DCLK2: variants seen among roughly 807,000 people sequenced by gnomAD.
DCLK2 encodes serine/threonine-protein kinase DCLK2.
Under a neutral mutation model 78.4 loss-of-function variants are expected in DCLK2, and 31 were observed. The observed-to-expected ratio is 0.40, with a 90% CI of 0.30 to 0.53. The LOEUF (loss-of-function observed/expected upper bound fraction) is 0.53. DCLK2 is among the 20% of genes least tolerant of loss of function. The pLI is 0.61. For synonymous variants in DCLK2, 407 were observed against 374.9 expected (o/e 1.09, Z -0.99); for missense variants, 872 against 973.7 (o/e 0.90, Z 1.39).
At chr4:150,238,464 G>A (rs1742670226) in intron 10 of DCLK2, among the ~76,000 whole-genome samples, 1 of 152,094 alleles carries the variant, frequency 6.6e-6, no homozygotes. Context: ...TTGGGTCAAA[G>A]GTTATAATTG....
At chr4:150,142,940 A>C (rs1370323067) in intron 2 of DCLK2, among the ~76,000 whole-genome samples, 1 of 151,058 alleles carries the variant, frequency 6.6e-6, no homozygotes, top group East Asian at 1.9e-4. Flanking sequence ...CTCCCCTCTC[A>C]CCCTTTTTGA....
intron 2 of DCLK2, among the ~76,000 whole-genome samples, chr4:150,177,471 T>G (rs1160559780): frequency 6.6e-6 from 1 of 152,164 alleles, no homozygotes; most frequent in Non-Finnish European, 1.5e-5. Context: ...TTTTCCTCCA[T>G]CGAAGAACTT....
At chr4:150,219,141 T>G (rs963460271) in intron 5 of DCLK2, among the ~76,000 whole-genome samples, 4 of 151,730 alleles carry the variant, frequency 2.6e-5, no homozygotes, top group African/African-American at 9.7e-5. Context: ...GAGGTGGAGA[T>G]TGCAGTGAGC....
rs1251185767 is a variant in DCLK2, at chr4:150,224,483, C to T, written c.1242-18C>T. 1 of 1,595,518 alleles carries T rather than the reference C, an allele frequency of 6.3e-7. No homozygotes were observed. Among genetic ancestry groups the T allele is most frequent in the East Asian group, 2.2e-5 (1 of 44,612 alleles). ...TTAATTTATGTCTTTAAATGGTCTT[C>T]CTCTGATTATTCCATAGGTCCACTG... On this transcript the variant is annotated intron_variant, in intron 7 of 15. Transcript: ENST00000296550.
chr4:150,139,871 T>C lies in DCLK2; in HGVS notation c.756+37059T>C, dbSNP rs530085826. Among the ~76,000 whole-genome samples, 7 of 152,358 alleles carry C rather than the reference T, an allele frequency of 4.6e-5. No homozygotes were observed. The South Asian group carries it at 1.4e-3, about 32-fold the overall frequency. ...TCATTCCATCCTTTTAAATGTATAA[T>C]TTCAAAGTTTATATGCAATTAATTT... On this transcript the variant is annotated intron_variant, in intron 2 of 15. Coordinates refer to ENST00000296550, the MANE Select transcript of DCLK2 (RefSeq NM_001040260.4).
chr4:150,145,899 A>G (rs1042378959), intron 2 of DCLK2, among the ~76,000 whole-genome samples: 2 of 152,246 alleles, frequency 1.3e-5, no homozygotes, highest in Non-Finnish European at 2.9e-5. Flanking sequence ...TTTTTATAAA[A>G]AGAGAATATT....
intron 3 of DCLK2, among the ~76,000 whole-genome samples, chr4:150,194,560 T>C (rs1738725655): frequency 6.6e-6 from 1 of 152,188 alleles, no homozygotes; most frequent in Admixed American, 6.5e-5. Context: ...GGAATACTGT[T>C]TTACCCTATT....
rs957570785 is a variant in DCLK2, at chr4:150,243,183, G to A, written c.1778+2707G>A. Among the ~76,000 whole-genome samples, 20 of 152,242 alleles carry A rather than the reference G, an allele frequency of 1.3e-4. No homozygotes were observed. In the East Asian group the frequency reaches 2.3e-3, roughly 18 times the overall value. On this transcript the variant is annotated intron_variant, in intron 12 of 15. Coordinates refer to ENST00000296550, the MANE Select transcript of DCLK2 (RefSeq NM_001040260.4). ...CATTTATCATGGATTGATACTGAAC[G>A]GGGAGCAGCTTTTTTGTGGGGTCTA...
chr4:150,206,762 A>G (rs979893581), intron 5 of DCLK2, among the ~76,000 whole-genome samples: 1 of 152,224 alleles, frequency 6.6e-6, no homozygotes, highest in Non-Finnish European at 1.5e-5. Flanking sequence ...TTAGGCCACA[A>G]TCCCAAAGCT....
chr4:150,203,405 C>T (rs1262563398), intron 4 of DCLK2, among the ~76,000 whole-genome samples: 1 of 152,090 alleles, frequency 6.6e-6, no homozygotes, highest in Non-Finnish European at 1.5e-5. Flanking sequence ...TTGGTATACA[C>T]CAAGATAGTG....
chr4:150,213,964 A>G (rs1456974278), intron 5 of DCLK2, among the ~76,000 whole-genome samples: 3 of 152,206 alleles, frequency 2.0e-5, no homozygotes, highest in Non-Finnish European at 4.4e-5. Context: ...GGCAAGTTAT[A>G]TAACCTCTCT....
At chr4:150,203,709 A>G in intron 4 of DCLK2, 86 bp from the exon 5 acceptor site, 1 of 1,060,770 alleles carries the variant, frequency 9.4e-7, no homozygotes, top group Non-Finnish European at 1.4e-6. Context: ...TTGGACCTAT[A>G]TTGTGCATGC....
intron 2 of DCLK2, among the ~76,000 whole-genome samples, chr4:150,143,970 A>T (rs1375802599): frequency 1.3e-5 from 2 of 151,360 alleles, no homozygotes; most frequent in African/African-American, 2.4e-5. Context: ...ATTTGCAAAT[A>T]TTTTTTCCCA....
rs903871729 is a variant in DCLK2 at position 150,257,197 on chromosome 4, G to A, written c.*950G>A. The A allele has an allele frequency of 6.5e-6, 1 of 152,674 alleles. No homozygotes were observed. The highest frequency in any genetic ancestry group is 1.5e-5 in the Non-Finnish European group (1 of 68,146). The allele number at this position is 152,674 out of a possible 1,614,324, so 9.5% of individuals were successfully genotyped here. A position where few individuals can be genotyped will look rare whatever the true frequency, so the allele number is the denominator to read the frequency against. On this transcript the variant is annotated 3_prime_UTR_variant, in exon 16 of 16. Coordinates refer to ENST00000296550, the MANE Select transcript of DCLK2 (RefSeq NM_001040260.4). ...TAACCACAGGAGGAGGCATGCCCGA[G>A]GCAGCCAGGACTGGGCGGGAAGGTG...
At chr4:150,121,362 T>C (rs1401961759) in intron 2 of DCLK2, among the ~76,000 whole-genome samples, 1 of 152,218 alleles carries the variant, frequency 6.6e-6, no homozygotes, top group Non-Finnish European at 1.5e-5. Flanking sequence ...TTCAACAATG[T>C]TCATGGCATC....
At position 150,254,135 on chromosome 4, in the gene DCLK2, C is replaced by A. The variant is rs563980619; in HGVS notation, c.2074-1885C>A. Among the ~76,000 whole-genome samples the A allele has an allele frequency of 3.1e-3, 479 of 152,266 alleles. 2 individuals carry two copies. Among genetic ancestry groups the A allele is most frequent in the African/African-American group, 0.011 (457 of 41,556 alleles). ...GGGGGGCTCGCCCCAGTTGCAGAGA[C>A]CAGGAGAGACCATCTTGTGGTGGGA... is the stretch of plus-strand genomic sequence containing the variant. On this transcript the variant is annotated intron_variant, in intron 15 of 15. Coordinates refer to ENST00000296550, the MANE Select transcript of DCLK2 (RefSeq NM_001040260.4).
chr4:150,195,371 ATAT>A (rs1302434639), intron 3 of DCLK2, among the ~76,000 whole-genome samples: 45 of 1,730 alleles, frequency 0.026, 14 homozygotes, highest in African/African-American at 0.078. Context: ...ATATTATATA[ATAT>A]TATATAATAT....
At chr4:150,107,378 G>GTTTTTTTTTTT (rs201080236) in intron 2 of DCLK2, among the ~76,000 whole-genome samples, 8 of 125,186 alleles carry the variant, frequency 6.4e-5, no homozygotes, top group African/African-American at 2.2e-4. Flanking sequence ...TTTGGTTATT[G>GTTTTTTTTTTT]TTTTTTTTTT....
rs148028711 is a variant in DCLK2, at chr4:150,086,295, A to G, written c.421+6847A>G. 5.3e-3 allele frequency among the ~76,000 whole-genome samples: 812 copies of G among 152,314 alleles called. 5 individuals are homozygous for G. The highest frequency in any genetic ancestry group is 0.019 in the African/African-American group (770 of 41,570). ...TATTTATTAAGATAGCCAGTTGGAC[A>G]GTTAGCCAGATTTACAGAGGTAACA... On this transcript the variant is annotated intron_variant, in intron 1 of 15. Coordinates refer to ENST00000296550, the MANE Select transcript of DCLK2 (RefSeq NM_001040260.4).
Sources: gnomAD v4.1 joint callset for allele counts (sites outside exome capture counted in the v4.1 genomes callset) on GRCh38, gnomAD v4.1.1 for gene constraint, MANE v1.5 for transcripts, NCBI Gene and HGNC (gene_info 2026-07-23, HGNC 2026-07-21) for gene names.